Variants in ATP2B2 observed in about 807,000 individuals in gnomAD.
The protein encoded by ATP2B2 is plasma membrane calcium-transporting ATPase 2.
ATP2B2 carries 15 observed loss-of-function variants against 120.0 expected under a neutral mutation model. That is an observed-to-expected ratio of 0.12 (90% CI 0.08 to 0.19). The LOEUF (loss-of-function observed/expected upper bound fraction) is 0.19. Among genes scored for constraint, ATP2B2 ranks in the 10% least tolerant of loss-of-function variants. ATP2B2 has a pLI of 1.00. For missense variants in ATP2B2, 1,045 were observed against 1,719.8 expected (o/e 0.61, Z 6.94); for synonymous variants, 694 against 700.3 (o/e 0.99, Z 0.14).
intron 2 of ATP2B2, among the ~76,000 whole-genome samples, chr3:10,448,892 G>A (rs2063931199): frequency 6.6e-6 from 1 of 152,206 alleles, no homozygotes; most frequent in Admixed American, 6.5e-5. Flanking sequence ...GACCGGGCCT[G>A]CATGGTTGGA....
chr3:10,331,149 C>T (rs968797916), intron 22 of ATP2B2, among the ~76,000 whole-genome samples: 17 of 152,206 alleles, frequency 1.1e-4, no homozygotes, highest in African/African-American at 3.6e-4. Flanking sequence ...CAGCCAGACA[C>T]GGCCTTTATG....
At chr3:10,513,160 G>A (rs2066806635) in intron 3 of ATP2B2, among the ~76,000 whole-genome samples, 1 of 110,770 alleles carries the variant, frequency 9.0e-6, no homozygotes, top group Non-Finnish European at 1.9e-5. Flanking sequence ...AGCATGCTCA[G>A]CAGGAGGCCC....
chr3:10,397,618 A>G (rs1209542538), intron 5 of ATP2B2, among the ~76,000 whole-genome samples: 2 of 152,154 alleles, frequency 1.3e-5, no homozygotes, highest in Admixed American at 1.3e-4. Context: ...GGAAGAAATG[A>G]GACTGGGAAG....
rs188388182 is a variant in ATP2B2, at chr3:10,515,520, G to A, written c.-320+18519C>T. On this transcript the variant is annotated intron_variant, in intron 3 of 21. Coordinates refer to the ATP2B2 transcript ENST00000646379. Reference sequence around the variant, plus strand: ...CAAGGGTGGTAACCATTTCCCCTGTGACTTGGTGGGAGCTCTCAGCTGCCA... The same window carrying A: ...CAAGGGTGGTAACCATTTCCCCTGTAACTTGGTGGGAGCTCTCAGCTGCCA... Among the ~76,000 whole-genome samples, 6 of 152,298 alleles carry A rather than the reference G, an allele frequency of 3.9e-5. No homozygotes were observed. In the East Asian group the frequency reaches 1.2e-3, roughly 29 times the overall value.
intron 2 of ATP2B2, among the ~76,000 whole-genome samples, chr3:10,574,688 T>C (rs577843897): frequency 1.3e-5 from 2 of 152,288 alleles, no homozygotes; most frequent in South Asian, 4.1e-4. Flanking sequence ...AAAGTAGTAA[T>C]ATCTACTTGG....
chr3:10,410,942 A>ATC, intron 2 of ATP2B2, 127 bp from the exon 3 acceptor site: 1 of 1,145,686 alleles, frequency 8.7e-7, no homozygotes, highest in Admixed American at 1.8e-5. Context: ...GGAGCCCAAC[A>ATC]TCTCTTCATG....
At chr3:10,558,870 AGAG>A (rs2067839252) in intron 2 of ATP2B2, among the ~76,000 whole-genome samples, 1 of 152,112 alleles carries the variant, frequency 6.6e-6, no homozygotes, top group Admixed American at 6.6e-5. Flanking sequence ...AGGAAAGAGG[AGAG>A]GAGAGAACGA....
chr3:10,464,153 G>A (rs1326779916), intron 1 of ATP2B2, among the ~76,000 whole-genome samples: 1 of 152,192 alleles, frequency 6.6e-6, no homozygotes, highest in Non-Finnish European at 1.5e-5. Context: ...TGGCCACTGC[G>A]GAGACGAACA....
intron 1 of ATP2B2, among the ~76,000 whole-genome samples, chr3:10,462,716 C>A (rs561683862): frequency 1.8e-4 from 28 of 152,294 alleles, no homozygotes; most frequent in African/African-American, 6.5e-4. Context: ...CTGAAGCTGC[C>A]ACATTATGCT....
intron 2 of ATP2B2, among the ~76,000 whole-genome samples, chr3:10,548,726 T>G (rs2067603775): frequency 6.6e-6 from 1 of 152,226 alleles, no homozygotes; most frequent in Non-Finnish European, 1.5e-5. Context: ...CTACTTGCAC[T>G]TGAATCGTCA....
intron 1 of ATP2B2, among the ~76,000 whole-genome samples, chr3:10,482,028 T>C (rs34887): frequency 0.77 from 117,176 of 152,114 alleles, 45,738 homozygotes; most frequent in African/African-American, 0.88. Flanking sequence ...ACTTTCAGTG[T>C]TAAAATCAGG....
At chr3:10,490,430 GTC>G (rs1325328393) in intron 1 of ATP2B2, among the ~76,000 whole-genome samples, 1 of 148,162 alleles carries the variant, frequency 6.7e-6, no homozygotes, top group African/African-American at 2.5e-5. Flanking sequence ...CTGAGATGGA[GTC>G]TCTCTCTGTC....
chr3:10,458,122 T>TCTG (rs569771377), intron 1 of ATP2B2, among the ~76,000 whole-genome samples: 6,691 of 152,188 alleles, frequency 0.044, 508 homozygotes, highest in African/African-American at 0.15. Context: ...TGCTTGACCA[T>TCTG]TAGCTGTCTG....
intron 2 of ATP2B2, among the ~76,000 whole-genome samples, chr3:10,411,114 C>T (rs1031130706): frequency 2.0e-5 from 3 of 152,152 alleles, no homozygotes; most frequent in Admixed American, 6.5e-5. Context: ...AAGGATATCA[C>T]GATGAGAGCA....
intron 2 of ATP2B2, among the ~76,000 whole-genome samples, chr3:10,586,505 T>TA (rs1559472391): frequency 6.6e-6 from 1 of 152,106 alleles, no homozygotes; most frequent in Non-Finnish European, 1.5e-5. Flanking sequence ...AGAAGGCCAG[T>TA]AGAGAGAGTG....
At chr3:10,657,258 T>C (rs953561909) in intron 1 of ATP2B2, among the ~76,000 whole-genome samples, 1 of 152,198 alleles carries the variant, frequency 6.6e-6, no homozygotes, top group Non-Finnish European at 1.5e-5. Context: ...TACACCCCTG[T>C]GCCTTTGCAC....
At chr3:10,690,481 T>TAC (rs2071637987) in intron 1 of ATP2B2, among the ~76,000 whole-genome samples, 1 of 152,128 alleles carries the variant, frequency 6.6e-6, no homozygotes, top group Non-Finnish European at 1.5e-5. Context: ...TCTATCTATA[T>TAC]ATCTCCTTCA....
chr3:10,558,276 C>G (rs1053265924), intron 2 of ATP2B2, among the ~76,000 whole-genome samples: 1 of 152,310 alleles, frequency 6.6e-6, no homozygotes, highest in East Asian at 1.9e-4. Context: ...CCAGCCTTGA[C>G]CAAACCAAGC....
intron 22 of ATP2B2, among the ~76,000 whole-genome samples, chr3:10,337,179 GC>G (rs2060140717): frequency 1.3e-5 from 2 of 152,388 alleles, no homozygotes; most frequent in Admixed American, 1.3e-4. Context: ...ACCTCCCAGG[GC>G]TGTGAAGGTC....
Sources: gnomAD v4.1 joint callset for allele counts (sites outside exome capture counted in the v4.1 genomes callset) on GRCh38, gnomAD v4.1.1 for gene constraint, MANE v1.5 for transcripts, NCBI Gene and HGNC (gene_info 2026-07-23, HGNC 2026-07-21) for gene names.